SEC24D: variants seen among roughly 807,000 people sequenced by gnomAD.
The protein encoded by SEC24D is protein transport protein Sec24D.
SEC24D carries 69 observed loss-of-function variants against 116.9 expected under a neutral mutation model. The ratio of observed to expected loss-of-function variants is 0.59; its 90% CI spans 0.49 to 0.72. SEC24D has a LOEUF of 0.72. Ranked by LOEUF, SEC24D falls within the 30% of genes least tolerant of loss-of-function variation. The pLI is 0.00. For missense variants in SEC24D, 1,131 were observed against 1,264.1 expected, an observed-to-expected ratio of 0.89 and a Z score of 1.60; for synonymous variants, 405 against 442.8, an observed-to-expected ratio of 0.91 and a Z score of 1.07.
chr4:118,728,845 A>G (rs892224545), intron 21 of SEC24D, 195 bp from the exon 22 acceptor site: 2 of 494,674 alleles, frequency 4.0e-6, no homozygotes, highest in Admixed American at 3.8e-5. Flanking sequence ...GACAGAAGAC[A>G]ATTATTTCTG....
At chr4:118,799,719 G>A (rs546517432) in intron 7 of SEC24D, among the ~76,000 whole-genome samples, 3 of 152,258 alleles carry the variant, frequency 2.0e-5, no homozygotes, top group South Asian at 4.2e-4. Context: ...GCGGAGGCAC[G>A]ATCATCTGTG....
intron 10 of SEC24D, chr4:118,758,666 T>C (rs916906603): frequency 6.6e-6 from 1 of 152,172 alleles, no homozygotes; most frequent in African/African-American, 2.4e-5. Flanking sequence ...ACTTAATTTT[T>C]AACTTCATAA....
chr4:118,733,462 C>T (rs989723089), intron 19 of SEC24D: 3 of 152,096 alleles, frequency 2.0e-5, no homozygotes, highest in Non-Finnish European at 2.9e-5. Context: ...AACAGGATAT[C>T]TCTTCCGTTA....
chr4:118,816,179 T>C (rs1049495337), intron 4 of SEC24D, among the ~76,000 whole-genome samples: 1 of 149,828 alleles, frequency 6.7e-6, no homozygotes, highest in Non-Finnish European at 1.5e-5. Flanking sequence ...TACTTCCTCC[T>C]TGGCATCCCA....
chr4:118,754,707 G>C (rs1180911846), intron 11 of SEC24D, among the ~76,000 whole-genome samples: 2 of 152,078 alleles, frequency 1.3e-5, no homozygotes, highest in Non-Finnish European at 1.5e-5. Context: ...GTTTAGTCAT[G>C]TCACCCTGAT....
At chr4:118,784,335 A>T (rs980176237) in intron 8 of SEC24D, among the ~76,000 whole-genome samples, 1 of 152,236 alleles carries the variant, frequency 6.6e-6, no homozygotes, top group Non-Finnish European at 1.5e-5. Context: ...AAAAGTTGAT[A>T]AATATGAAAC....
chr4:118,729,032 G>GTT (rs11408345), intron 21 of SEC24D: 33 of 161,700 alleles, frequency 2.0e-4, no homozygotes, highest in Admixed American at 6.7e-4. Flanking sequence ...TGGATTTTGG[G>GTT]TTTTTTTTGT....
At chr4:118,730,552 A>G (rs895870246) in intron 21 of SEC24D, 3 of 152,232 alleles carry the variant, frequency 2.0e-5, no homozygotes, top group Non-Finnish European at 4.4e-5. Context: ...GAAACTAACT[A>G]TCTGCTGAGC....
intron 13 of SEC24D, among the ~76,000 whole-genome samples, chr4:118,749,151 A>T (rs1726698028): frequency 6.6e-6 from 1 of 152,190 alleles, no homozygotes; most frequent in Admixed American, 6.5e-5. Flanking sequence ...TGAAGGTCAG[A>T]TTTTGAAATA....
chr4:118,744,878 G>A (rs941196398), intron 14 of SEC24D, 66 bp downstream of exon 14: 43 of 857,776 alleles, frequency 5.0e-5, no homozygotes, highest in Non-Finnish European at 7.5e-5. Context: ...CTTACATGAA[G>A]AACACACTGC....
At chr4:118,750,693 A>G (rs1470812632) in intron 13 of SEC24D, among the ~76,000 whole-genome samples, 2 of 152,250 alleles carry the variant, frequency 1.3e-5, no homozygotes, top group African/African-American at 2.4e-5. Context: ...TCAAACTGAA[A>G]TAGAAGACAT....
chr4:118,726,460 A>G (rs1725418351), intron 22 of SEC24D, among the ~76,000 whole-genome samples: 2 of 152,210 alleles, frequency 1.3e-5, no homozygotes, highest in African/African-American at 4.8e-5. Flanking sequence ...GAGAAGAAGG[A>G]AAGAGCAGTT....
chr4:118,824,306 C>G (rs1270258470), intron 3 of SEC24D, among the ~76,000 whole-genome samples: 1 of 152,000 alleles, frequency 6.6e-6, no homozygotes, highest in Non-Finnish European at 1.5e-5. Context: ...ACCACCAGGC[C>G]GGCTAATTTT....
intron 8 of SEC24D, among the ~76,000 whole-genome samples, chr4:118,792,803 A>G (rs1728989373): frequency 6.6e-6 from 1 of 151,468 alleles, no homozygotes; most frequent in South Asian, 2.1e-4. Flanking sequence ...CTTTGTTCAC[A>G]TGTTTATCTG....
chr4:118,829,363 A>G (rs942010155), intron 2 of SEC24D, among the ~76,000 whole-genome samples: 15 of 152,028 alleles, frequency 9.9e-5, no homozygotes, highest in African/African-American at 3.6e-4. Context: ...AAATTTTAAA[A>G]TTAGCTGGGC....
chr4:118,784,103 A>G (rs1560692737), intron 8 of SEC24D, among the ~76,000 whole-genome samples: 1 of 152,254 alleles, frequency 6.6e-6, no homozygotes, highest in Non-Finnish European at 1.5e-5. Flanking sequence ...ACTTCCAGTA[A>G]TACAGCAAAT....
intron 1 of SEC24D, among the ~76,000 whole-genome samples, chr4:118,834,242 T>C (rs1391817566): frequency 6.6e-6 from 1 of 152,210 alleles, no homozygotes; most frequent in Non-Finnish European, 1.5e-5. Flanking sequence ...CCAACAAACA[T>C]AGCAACAGAC....
chr4:118,762,623 G>A (rs1727439974), intron 10 of SEC24D, among the ~76,000 whole-genome samples: 1 of 151,920 alleles, frequency 6.6e-6, no homozygotes, highest in Admixed American at 6.6e-5. Context: ...AATTAAATAA[G>A]CTTTTTCATT....
intron 2 of SEC24D, among the ~76,000 whole-genome samples, chr4:118,829,321 T>C (rs1715868251): frequency 1.3e-5 from 2 of 152,040 alleles, no homozygotes; most frequent in African/African-American, 4.8e-5. Flanking sequence ...GAGACAGAAC[T>C]GGGCAACATA....
Sources: gnomAD v4.1 joint callset for allele counts (sites outside exome capture counted in the v4.1 genomes callset) on GRCh38, gnomAD v4.1.1 for gene constraint, MANE v1.5 for transcripts, NCBI Gene and HGNC (gene_info 2026-07-23, HGNC 2026-07-21) for gene names.